The following JARID2 variants were observed in gnomAD, a reference collection of about 807,000 sequenced individuals.
JARID2 encodes jumonji and AT-rich interaction domain containing 2, also known as protein Jumonji.
JARID2 carries 21 observed loss-of-function variants against 125.6 expected under a neutral mutation model. The observed-to-expected ratio is 0.17, with a 90% CI of 0.12 to 0.24. JARID2 has a LOEUF of 0.24. JARID2 is among the 10% of genes least tolerant of loss of function. JARID2 has a pLI of 1.00. For missense variants in JARID2, 1,303 were observed against 1,639.6 expected (o/e 0.79, Z 3.55); for synonymous variants, 736 against 661.6 (o/e 1.11, Z -1.73).
chr6:15,379,224 T>C (rs1282447789), intron 2 of JARID2, among the ~76,000 whole-genome samples: 2 of 152,146 alleles, frequency 1.3e-5, no homozygotes, highest in South Asian at 4.1e-4. Context: ...AACAGCCTCA[T>C]GAGTTGTCTG....
At chr6:15,257,597 CTG>C (rs1759713932) in intron 1 of JARID2, among the ~76,000 whole-genome samples, 1 of 152,184 alleles carries the variant, frequency 6.6e-6, no homozygotes, top group Admixed American at 6.5e-5. Context: ...TTGCACGTGT[CTG>C]TTTGCACTCA....
intron 1 of JARID2, among the ~76,000 whole-genome samples, chr6:15,329,820 A>G (rs768007953): frequency 5.3e-5 from 8 of 152,132 alleles, no homozygotes; most frequent in Non-Finnish European, 1.0e-4. Context: ...AATATTGTCT[A>G]TTTTTTGGGA....
intron 2 of JARID2, among the ~76,000 whole-genome samples, chr6:15,399,275 C>A (rs1765333980): frequency 6.6e-6 from 1 of 152,184 alleles, no homozygotes; most frequent in Non-Finnish European, 1.5e-5. Context: ...TTCCCCAGTG[C>A]CACTGGGTTC....
At chr6:15,509,588 T>TA (rs1366521620) in intron 12 of JARID2, among the ~76,000 whole-genome samples, 1 of 152,218 alleles carries the variant, frequency 6.6e-6, no homozygotes, top group Non-Finnish European at 1.5e-5. Context: ...CCTTGGGGCT[T>TA]AGCCGGGCCA....
intron 1 of JARID2, among the ~76,000 whole-genome samples, chr6:15,292,982 T>C (rs972713900): frequency 2.0e-5 from 3 of 152,122 alleles, no homozygotes; most frequent in Non-Finnish European, 4.4e-5. Flanking sequence ...TAAGTTGTAA[T>C]ATTTTTTTAG....
In JARID2 at chr6:15,496,165, T is replaced by C. The variant is rs748009817; in HGVS notation, c.940T>C (p.Ser314Pro). ...GGTAAACGGAGTCACTCGAATGTCA[T>C]CTCTGGGTGCAGGTGTAACCAGTGC... ...SKVNGVTRMS[S>P]LGAGVTSAKK... Residue 314 changes from serine to proline, a missense_variant, in exon 7 of 18, where the codon TCT becomes CCT. Ser to Pro is a moderately conservative substitution (Grantham distance 74, BLOSUM62 -1). Transcript: ENST00000341776. The C allele has an allele frequency of 3.7e-6, 6 of 1,613,612 alleles. No individual in the cohort carries two copies. The highest frequency in any genetic ancestry group is 1.6e-4 in the Middle Eastern group (1 of 6,084).
chr6:15,416,304 G>A (rs1324797814), intron 3 of JARID2, among the ~76,000 whole-genome samples: 5 of 152,212 alleles, frequency 3.3e-5, no homozygotes, highest in Admixed American at 6.5e-5. Context: ...GGCAGAGGCT[G>A]CAATCTCGGC....
chr6:15,248,101 C>T (rs149370723), intron 1 of JARID2: 86,790 of 985,066 alleles, frequency 0.088, 3,934 homozygotes, highest in Admixed American at 0.12. Context: ...CGGATCGTGT[C>T]TCCGAGTCCG....
At chr6:15,348,385 T>G (rs1357727240) in intron 1 of JARID2, among the ~76,000 whole-genome samples, 2 of 152,196 alleles carry the variant, frequency 1.3e-5, no homozygotes, top group African/African-American at 4.8e-5. Flanking sequence ...CCACGGCACC[T>G]GGCCAATTAT....
intron 1 of JARID2, among the ~76,000 whole-genome samples, chr6:15,324,105 G>A (rs188800512): frequency 0.032 from 4,820 of 151,720 alleles, 126 homozygotes; most frequent in South Asian, 0.12. Flanking sequence ...CATGAACCGG[G>A]GAGGCAGAGC....
intron 2 of JARID2, among the ~76,000 whole-genome samples, chr6:15,385,458 T>C (rs1222112438): frequency 6.6e-6 from 1 of 151,676 alleles, no homozygotes; most frequent in Non-Finnish European, 1.5e-5. Context: ...TGTGCGTGCG[T>C]TTATTCTAAT....
chr6:15,327,112 G>T (rs1218568025), intron 1 of JARID2, among the ~76,000 whole-genome samples: 1 of 152,072 alleles, frequency 6.6e-6, no homozygotes, highest in Non-Finnish European at 1.5e-5. Flanking sequence ...GTTTTGCTTT[G>T]GGATCTTTTT....
intron 3 of JARID2, among the ~76,000 whole-genome samples, chr6:15,415,522 G>A (rs926644369): frequency 7.7e-6 from 1 of 129,966 alleles, no homozygotes; most frequent in Admixed American, 7.3e-5. Flanking sequence ...GGGCTGCCGG[G>A]CAGAGGCGCC....
At chr6:15,424,683 C>T (rs1442493948) in intron 3 of JARID2, among the ~76,000 whole-genome samples, 1 of 152,050 alleles carries the variant, frequency 6.6e-6, no homozygotes, top group African/African-American at 2.4e-5. Flanking sequence ...CATGGAGAAC[C>T]CCTGCCTCCA....
At chr6:15,356,846 C>G (rs144251640) in intron 1 of JARID2, among the ~76,000 whole-genome samples, 109 of 152,208 alleles carry the variant, frequency 7.2e-4, no homozygotes, top group African/African-American at 2.5e-3. Flanking sequence ...GAAACCCCAT[C>G]TCTATTAAAA....
chr6:15,292,983 AT>A (rs148901414), intron 1 of JARID2, among the ~76,000 whole-genome samples: 25 of 152,150 alleles, frequency 1.6e-4, no homozygotes, highest in Admixed American at 1.6e-3. Flanking sequence ...AAGTTGTAAT[AT>A]TTTTTTAGTT....
At chr6:15,246,902 A>C (rs935257801) in intron 1 of JARID2, among the ~76,000 whole-genome samples, 2 of 152,242 alleles carry the variant, frequency 1.3e-5, no homozygotes, top group African/African-American at 2.4e-5. Context: ...ACTAAACTGC[A>C]TTCTCAAGCG....
At chr6:15,327,601 G>C (rs1229308206) in intron 1 of JARID2, among the ~76,000 whole-genome samples, 1 of 152,102 alleles carries the variant, frequency 6.6e-6, no homozygotes. Context: ...GCTGCCAGTG[G>C]GTGGTGGGGA....
intron 2 of JARID2, among the ~76,000 whole-genome samples, chr6:15,390,766 C>G (rs1034161584): frequency 6.6e-6 from 1 of 152,150 alleles, no homozygotes; most frequent in Admixed American, 6.5e-5. Context: ...CATCTACCCT[C>G]CTGCCAGCTC....
Sources: allele counts gnomAD v4.1 joint callset (sites outside exome capture counted in the v4.1 genomes callset), GRCh38; gene constraint gnomAD v4.1.1; transcripts MANE v1.5; gene names NCBI Gene and HGNC (gene_info 2026-07-23, HGNC 2026-07-21).